LRRC18: variants seen among roughly 807,000 people sequenced by gnomAD.
The protein encoded by LRRC18 is leucine-rich repeat-containing protein 18.
LRRC18 carries 12 observed loss-of-function variants against 11.2 expected under a neutral mutation model. The observed-to-expected ratio is 1.07, with a 90% CI of 0.69 to 1.74. The LOEUF is 1.74. Among genes scored for constraint, LRRC18 ranks in the 40% most tolerant of loss-of-function variants. LRRC18 has a pLI of 0.00. For synonymous variants in LRRC18, 155 were observed against 130.6 expected, an observed-to-expected ratio of 1.19 and a Z score of -1.27; for missense variants, 374 against 330.5, an observed-to-expected ratio of 1.13 and a Z score of -1.02.
At chr10:48,914,300 C>T (rs74684165), upstream of LRRC18, 2,207 of 854,050 alleles carry the variant, frequency 2.6e-3, 45 homozygotes, top group African/African-American at 0.033. Flanking sequence ...CACGTCATGA[C>T]GCTTTGCTCT....
chr10:48,937,236 T>C, the LRRC18 span, among the ~76,000 whole-genome samples: 2 of 152,234 alleles, frequency 1.3e-5, no homozygotes, highest in African/African-American at 2.4e-5. Context: ...TATTATGGCA[T>C]AGTTGTACCA....
At chr10:48,910,807 G>T in intron 1 of LRRC18, 1 of 568,524 alleles carries the variant, frequency 1.8e-6, no homozygotes, top group Non-Finnish European at 2.2e-6. Context: ...AAGTAAGGGT[G>T]TTGAGGACCA....
upstream of LRRC18, among the ~76,000 whole-genome samples, chr10:48,919,186 A>G (rs1358317387): frequency 1.3e-5 from 2 of 152,226 alleles, no homozygotes; most frequent in Non-Finnish European, 2.9e-5. Context: ...TAAAAAAAAA[A>G]GAAAGAGAAG....
At chr10:48,937,019 G>A in the LRRC18 span, among the ~76,000 whole-genome samples, 5 of 151,420 alleles carry the variant, frequency 3.3e-5, no homozygotes, top group Non-Finnish European at 5.9e-5. Flanking sequence ...TCCCGGGTTC[G>A]AGTAGCTGGG....
the LRRC18 span, among the ~76,000 whole-genome samples, chr10:48,932,332 G>T: frequency 6.6e-6 from 1 of 152,190 alleles, no homozygotes; most frequent in Non-Finnish European, 1.5e-5. Flanking sequence ...AATCTCAGAT[G>T]GAGGAGTTGG....
At chr10:48,937,270 T>C in the LRRC18 span, among the ~76,000 whole-genome samples, 2 of 152,232 alleles carry the variant, frequency 1.3e-5, no homozygotes, top group Non-Finnish European at 1.5e-5. Context: ...AATTTACTAA[T>C]GCTCATTTTT....
chr10:48,923,291 G>C, the LRRC18 span, among the ~76,000 whole-genome samples: 1 of 151,810 alleles, frequency 6.6e-6, no homozygotes, highest in Non-Finnish European at 1.5e-5. Flanking sequence ...ACAGATGTTC[G>C]CAAGCTGGCA....
rs1735624505 is a variant in LRRC18, at chr10:48,909,967, T to C, written c.*270A>G. The stretch of plus-strand genomic sequence containing the variant: ...CTTAAATATTTAGTTGTCTATAATA[T>C]ATAATCTGTAATTTTCTTAAATTTT... On this transcript the variant is annotated 3_prime_UTR_variant, in exon 2 of 2. Coordinates refer to ENST00000374160, the Ensembl canonical transcript of LRRC18. 6 of 500,084 alleles carry C rather than the reference T, an allele frequency of 1.2e-5. No individual in the cohort carries two copies. In the Admixed American group the frequency reaches 1.3e-4, roughly 11 times the overall value. The allele number at this position is 500,084 out of a possible 1,614,324, so 31.0% of individuals were successfully genotyped here.
the LRRC18 span, among the ~76,000 whole-genome samples, chr10:48,920,551 G>C: frequency 6.0e-3 from 918 of 152,148 alleles, 9 homozygotes; most frequent in African/African-American, 0.021. Flanking sequence ...AAAAAAGCTA[G>C]AGCTAGTATC....
the LRRC18 span, among the ~76,000 whole-genome samples, chr10:48,933,679 T>C: frequency 6.6e-6 from 1 of 152,058 alleles, no homozygotes; most frequent in Non-Finnish European, 1.5e-5. Context: ...TATATGATAC[T>C]AGTAGGGAGC....
the LRRC18 span, among the ~76,000 whole-genome samples, chr10:48,922,103 TA>T: frequency 6.6e-6 from 1 of 152,194 alleles, no homozygotes; most frequent in South Asian, 2.1e-4. Flanking sequence ...TACTGTACAG[TA>T]GTCCCCCTTA....
chr10:48,917,303 G>A (rs968151284), upstream of LRRC18, among the ~76,000 whole-genome samples: 8 of 152,172 alleles, frequency 5.3e-5, no homozygotes, highest in African/African-American at 1.9e-4. Context: ...CTCAGAAAGT[G>A]TGGAAAAACA....
At chr10:48,913,600 C>T (rs1236307899) in exon 1 of LRRC18, 4 of 1,613,878 alleles carry the variant, frequency 2.5e-6, no homozygotes, top group Non-Finnish European at 3.4e-6. Context: ...ATGAATATTT[C>T]CGACTCACCT....
At chr10:48,928,364 G>GTGTA in the LRRC18 span, among the ~76,000 whole-genome samples, 3 of 142,176 alleles carry the variant, frequency 2.1e-5, no homozygotes. Flanking sequence ...GTGTGTGTGT[G>GTGTA]TGTGTGTGTG....
exon 1 of LRRC18, chr10:48,914,116 T>C (rs1340380050): frequency 1.2e-6 from 2 of 1,614,038 alleles, no homozygotes; most frequent in Non-Finnish European, 1.7e-6. Context: ...ACCTTGAGGG[T>C]GATCTTCTTG....
the LRRC18 span, among the ~76,000 whole-genome samples, chr10:48,926,217 T>C: frequency 1.3e-5 from 2 of 152,200 alleles, no homozygotes; most frequent in Admixed American, 1.3e-4. Flanking sequence ...CACCCACTTC[T>C]GCACAGGAGT....
chr10:48,923,214 A>G, the LRRC18 span, among the ~76,000 whole-genome samples: 2 of 152,048 alleles, frequency 1.3e-5, no homozygotes, highest in Non-Finnish European at 2.9e-5. Context: ...GCATCTGGGC[A>G]CCACTGTGGT....
At chr10:48,932,849 A>C in the LRRC18 span, among the ~76,000 whole-genome samples, 1 of 152,154 alleles carries the variant, frequency 6.6e-6, no homozygotes, top group Non-Finnish European at 1.5e-5. Context: ...CTGTAACTAG[A>C]ATGCTAAGAA....
At chr10:48,920,528 G>GA in the LRRC18 span, among the ~76,000 whole-genome samples, 25 of 150,006 alleles carry the variant, frequency 1.7e-4, no homozygotes, top group Admixed American at 2.0e-4. Flanking sequence ...TAAAACAATT[G>GA]AAAAAAAAGA....
Sources: allele counts gnomAD v4.1 joint callset (sites outside exome capture counted in the v4.1 genomes callset), GRCh38; gene constraint gnomAD v4.1.1; transcripts MANE v1.5; gene names NCBI Gene and HGNC (gene_info 2026-07-23, HGNC 2026-07-21).